Variants in EYS observed in about 807,000 individuals in gnomAD.
EYS encodes the protein EGF-like photoreceptor maintenance factor, also known as protein eyes shut homolog.
EYS carries 250 observed loss-of-function variants against 282.1 expected under a neutral mutation model. The observed-to-expected ratio is 0.89, with a 90% CI of 0.80 to 0.98. The LOEUF (loss-of-function observed/expected upper bound fraction) is 0.98. EYS is among the 50% of genes least tolerant of loss of function. The probability of loss-of-function intolerance (pLI) is 0.00; values close to 1 mark genes in which losing one functional copy is unlikely to be tolerated. For synonymous variants in EYS, 1,355 were observed against 1,282.9 expected, an observed-to-expected ratio of 1.06 and a Z score of -1.20; for missense variants, 4,016 against 3,709.0, an observed-to-expected ratio of 1.08 and a Z score of -2.15.
chr6:65,378,237 A>G (rs1183841825), intron 8 of EYS, among the ~76,000 whole-genome samples: 1 of 152,186 alleles, frequency 6.6e-6, no homozygotes, highest in Non-Finnish European at 1.5e-5. Context: ...ATGAACAGGC[A>G]CTTCTCCAAA....
intron 13 of EYS, among the ~76,000 whole-genome samples, chr6:64,999,713 C>T (rs559918358): frequency 2.0e-5 from 3 of 152,116 alleles, no homozygotes; most frequent in Admixed American, 6.6e-5. Context: ...CATTGAGAGG[C>T]ACACATCAGC....
At chr6:64,392,917 T>C (rs1295813589) in intron 28 of EYS, among the ~76,000 whole-genome samples, 1 of 151,818 alleles carries the variant, frequency 6.6e-6, no homozygotes, top group Non-Finnish European at 1.5e-5. Context: ...AAGAATCAAA[T>C]AGACGCAATA....
intron 22 of EYS, among the ~76,000 whole-genome samples, chr6:64,717,436 A>T (rs1315056307): frequency 6.6e-6 from 1 of 152,148 alleles, no homozygotes; most frequent in Non-Finnish European, 1.5e-5. Context: ...CCTCACACAC[A>T]CAGTTCACAA....
chr6:63,950,487 C>T (rs960168529), intron 35 of EYS, among the ~76,000 whole-genome samples: 2 of 152,110 alleles, frequency 1.3e-5, no homozygotes, highest in Non-Finnish European at 2.9e-5. Flanking sequence ...TATCTCCCTT[C>T]TCTGACTCTC....
intron 31 of EYS, among the ~76,000 whole-genome samples, chr6:64,146,105 C>T (rs1351360106): frequency 2.0e-5 from 3 of 152,156 alleles, no homozygotes; most frequent in Non-Finnish European, 4.4e-5. Context: ...TGGGGACCTA[C>T]TTAAGGGCAG....
chr6:64,314,307 A>C (rs1004652449), intron 29 of EYS, among the ~76,000 whole-genome samples: 2 of 151,824 alleles, frequency 1.3e-5, no homozygotes, highest in Non-Finnish European at 2.9e-5. Flanking sequence ...ATAATGGTAA[A>C]GGGATTAATG....
rs1766180254 is a variant in EYS at position 65,494,769 on chromosome 6, A to G, written c.642T>C (p.Leu214=). The change falls in exon 4 of 43, where the codon CTT becomes CTC. Residue 214 remains leucine, a synonymous_variant. Transcript: ENST00000503581. ...TACATGGTTTAAAAGAACATGCATC[A>G]AGTTCCTGGCAGTATTTTCCAGAAA... ...PPFSGKYCQE[L]DACSFKPCKN... is the part of the protein sequence containing the mutation. 3 of 1,613,986 alleles carry G rather than the reference A, an allele frequency of 1.9e-6. No homozygotes were observed. Among genetic ancestry groups the G allele is most frequent in the Non-Finnish European group, 2.5e-6 (3 of 1,180,028 alleles).
At chr6:64,532,633 C>T (rs1764386579) in intron 26 of EYS, among the ~76,000 whole-genome samples, 1 of 152,024 alleles carries the variant, frequency 6.6e-6, no homozygotes, top group African/African-American at 2.4e-5. Flanking sequence ...GGCGTGAACC[C>T]GGGAGGTGGA....
intron 19 of EYS, among the ~76,000 whole-genome samples, chr6:64,874,419 A>T (rs895172270): frequency 1.3e-5 from 2 of 152,068 alleles, no homozygotes; most frequent in African/African-American, 4.8e-5. Context: ...GACAGTAAGG[A>T]TTTCCATACT....
intron 12 of EYS, among the ~76,000 whole-genome samples, chr6:65,134,764 A>C (rs1775975907): frequency 6.6e-6 from 1 of 152,206 alleles, no homozygotes; most frequent in South Asian, 2.1e-4. Flanking sequence ...AGAGAGGGAA[A>C]GATCAATTTA....
intron 28 of EYS, among the ~76,000 whole-genome samples, chr6:64,394,674 A>G (rs1290966861): frequency 1.3e-5 from 2 of 151,968 alleles, no homozygotes; most frequent in Non-Finnish European, 2.9e-5. Context: ...AAACCATAAA[A>G]ACCCTAGAAG....
chr6:65,296,114 C>T lies in EYS; in HGVS notation c.1772G>A (p.Ser591Asn). The part of the protein sequence containing the change: ...CKDEINRPRC[S>N]CSLSYIGRLC... ...TCTGCCAATGTAACTAAGAGAACAGCTGCATCTGAAACACAGAGAAATGAA... is the reference window on the plus strand; with the variant it reads ...TCTGCCAATGTAACTAAGAGAACAGTTGCATCTGAAACACAGAGAAATGAA... The change falls in exon 12 of 43, where the codon AGC (serine) becomes AAC (asparagine). Residue 591 changes from serine to asparagine, a missense_variant. Ser to Asn is a conservative substitution (Grantham distance 46). Coordinates refer to ENST00000503581, the MANE Select transcript of EYS (RefSeq NM_001142800.2). 6.5e-7 allele frequency: 1 copy of T among 1,544,884 alleles called. No individual in the cohort carries two copies. Among genetic ancestry groups the T allele is most frequent in the Non-Finnish European group, 8.7e-7 (1 of 1,144,868 alleles).
At chr6:65,509,604 G>C (rs752723337) in intron 2 of EYS, among the ~76,000 whole-genome samples, 11 of 152,032 alleles carry the variant, frequency 7.2e-5, no homozygotes, top group Non-Finnish European at 1.2e-4. Flanking sequence ...AAACATTCTA[G>C]ATGAAAACTC....
intron 33 of EYS, among the ~76,000 whole-genome samples, chr6:64,015,881 T>G (rs1334336151): frequency 2.6e-5 from 4 of 152,226 alleles, no homozygotes; most frequent in African/African-American, 9.6e-5. Context: ...AATGCCAGGA[T>G]GAGTTTACAC....
Position 65,308,293 on chromosome 6 carries a change from A to G in EYS, c.1767-12174T>C, listed in dbSNP as rs1203466702. On this transcript the variant is annotated intron_variant, in intron 11 of 42. Transcript: ENST00000503581. ...CCTCAGGCTGAATAAAGAGCCTTTT[A>G]GATAATGTCTTGCCTGACAAGTTTA... is the stretch of plus-strand genomic sequence containing the variant. 2.6e-4 allele frequency among the ~76,000 whole-genome samples: 9 copies of G among 34,524 alleles called. 1 individual carries two copies. Among genetic ancestry groups the G allele is most frequent in the Admixed American group, 6.7e-4 (2 of 2,978 alleles). 22.6% of individuals were successfully genotyped at this position (34,524 alleles called of 152,430 possible). A position where few individuals can be genotyped will look rare whatever the true frequency, so the allele number is the denominator to read the frequency against.
chr6:63,927,858 T>C (rs1764763203), intron 35 of EYS, among the ~76,000 whole-genome samples: 1 of 152,200 alleles, frequency 6.6e-6, no homozygotes, highest in African/African-American at 2.4e-5. Flanking sequence ...TAGCTTTTTA[T>C]AGTCATGACT....
intron 31 of EYS, among the ~76,000 whole-genome samples, chr6:64,094,806 T>G (rs1332699401): frequency 1.3e-5 from 2 of 152,198 alleles, no homozygotes; most frequent in Non-Finnish European, 2.9e-5. Context: ...CTTTTGAATG[T>G]GTTTGCTCTT....
chr6:63,900,506 G>T (rs1773632529), intron 35 of EYS, among the ~76,000 whole-genome samples: 1 of 152,106 alleles, frequency 6.6e-6, no homozygotes, highest in Non-Finnish European at 1.5e-5. Context: ...AAGGATTGAG[G>T]CTGTGCACAC....
At chr6:65,402,721 A>C (rs1766566001) in intron 6 of EYS, 116 bp from the exon 7 acceptor site, 1 of 673,788 alleles carries the variant, frequency 1.5e-6, no homozygotes. Flanking sequence ...AGTAGAAATT[A>C]TCTGTCAGCA....
Sources: allele counts gnomAD v4.1 joint callset (sites outside exome capture counted in the v4.1 genomes callset), GRCh38; gene constraint gnomAD v4.1.1; transcripts MANE v1.5; gene names NCBI Gene and HGNC (gene_info 2026-07-23, HGNC 2026-07-21).